The following SORCS2 variants were observed in gnomAD, a reference collection of about 807,000 sequenced individuals.
SORCS2 encodes the protein sortilin related VPS10 domain containing receptor 2, also known as VPS10 domain-containing receptor SorCS2.
In SORCS2, 100 loss-of-function variants were observed where a neutral mutation model predicts 141.6. The ratio of observed to expected loss-of-function variants is 0.71; its 90% CI spans 0.60 to 0.83. The LOEUF is 0.83. Ranked by LOEUF, SORCS2 falls within the 40% of genes least tolerant of loss-of-function variation. The pLI is 0.00. For missense variants in SORCS2, 1,646 were observed against 1,560.2 expected (o/e 1.05, Z -0.93); for synonymous variants, 789 against 676.9 (o/e 1.17, Z -2.57).
At chr4:7,680,979 TCACC>T (rs1723490863) in intron 9 of SORCS2, among the ~76,000 whole-genome samples, 1 of 152,256 alleles carries the variant, frequency 6.6e-6, no homozygotes, top group Non-Finnish European at 1.5e-5. Flanking sequence ...TACCCAGAGC[TCACC>T]CACATCTGGT....
chr4:7,292,327 C>T (rs1716667054), intron 1 of SORCS2, among the ~76,000 whole-genome samples: 1 of 151,388 alleles, frequency 6.6e-6, no homozygotes, highest in African/African-American at 2.4e-5. Flanking sequence ...CCACCATTCG[C>T]AGTCTGTTCA....
intron 2 of SORCS2, among the ~76,000 whole-genome samples, chr4:7,443,817 C>T (rs74465737): frequency 0.013 from 1,990 of 152,368 alleles, 45 homozygotes; most frequent in African/African-American, 0.046. Context: ...GTTCCTGAGT[C>T]TGTGGCTCCT....
At chr4:7,322,602 G>A (rs1205903798) in intron 1 of SORCS2, among the ~76,000 whole-genome samples, 1 of 152,214 alleles carries the variant, frequency 6.6e-6, no homozygotes, top group Non-Finnish European at 1.5e-5. Context: ...AATGCAGGAG[G>A]AGGGGCGCAG....
chr4:7,258,653 T>C (rs1158322593), intron 1 of SORCS2, among the ~76,000 whole-genome samples: 1 of 152,234 alleles, frequency 6.6e-6, no homozygotes, highest in Non-Finnish European at 1.5e-5. Flanking sequence ...ATCCTTTGGG[T>C]ATATACCCAG....
intron 21 of SORCS2, among the ~76,000 whole-genome samples, chr4:7,727,359 C>G (rs1727292349): frequency 6.6e-6 from 1 of 152,198 alleles, no homozygotes; most frequent in African/African-American, 2.4e-5. Flanking sequence ...TTTATCTGTG[C>G]TCACTGGGGG....
At chr4:7,640,352 G>A (rs1022679185) in intron 4 of SORCS2, among the ~76,000 whole-genome samples, 6 of 150,528 alleles carry the variant, frequency 4.0e-5, no homozygotes, top group African/African-American at 1.2e-4. Context: ...GAGTGTGAGA[G>A]CCTATGTGAG....
At chr4:7,368,702 T>A (rs1722063162) in intron 1 of SORCS2, among the ~76,000 whole-genome samples, 2 of 152,166 alleles carry the variant, frequency 1.3e-5, no homozygotes, top group African/African-American at 4.8e-5. Flanking sequence ...AGTTTTAAGT[T>A]TGAAGTTGGC....
intron 26 of SORCS2, 145 bp downstream of exon 26, chr4:7,737,317 C>G: frequency 8.5e-7 from 1 of 1,170,282 alleles, no homozygotes; most frequent in Non-Finnish European, 1.2e-6. Context: ...GCGGGTCGGT[C>G]GGGCCCACTG....
chr4:7,451,670 C>G (rs1423111743), intron 2 of SORCS2, among the ~76,000 whole-genome samples: 1 of 152,244 alleles, frequency 6.6e-6, no homozygotes, highest in Non-Finnish European at 1.5e-5. Context: ...CCCTCAACTG[C>G]CACCATAGGG....
chr4:7,458,940 C>G (rs905231603), intron 2 of SORCS2, among the ~76,000 whole-genome samples: 4 of 152,178 alleles, frequency 2.6e-5, no homozygotes, highest in African/African-American at 9.7e-5. Context: ...AAAGGCTTCT[C>G]TGCTGGCTGC....
At chr4:7,721,337 A>C (rs185162258) in intron 18 of SORCS2, among the ~76,000 whole-genome samples, 60 of 152,258 alleles carry the variant, frequency 3.9e-4, no homozygotes, top group Admixed American at 6.5e-4. Context: ...GTGGTGATGC[A>C]TGCCTGTAAT....
intron 3 of SORCS2, among the ~76,000 whole-genome samples, chr4:7,553,172 C>T (rs920861569): frequency 1.2e-4 from 19 of 152,034 alleles, no homozygotes; most frequent in African/African-American, 4.1e-4. Context: ...AGCCTGAGAT[C>T]CACAAGGTCC....
chr4:7,518,728 C>T (rs771153126), intron 2 of SORCS2, among the ~76,000 whole-genome samples: 7 of 152,120 alleles, frequency 4.6e-5, no homozygotes, highest in Non-Finnish European at 5.9e-5. Flanking sequence ...GGGCAAGTGC[C>T]GGTTTTCTCT....
chr4:7,440,096 T>C (rs1199212510), intron 2 of SORCS2, among the ~76,000 whole-genome samples: 6 of 152,242 alleles, frequency 3.9e-5, no homozygotes, highest in African/African-American at 1.4e-4. Flanking sequence ...TACCATTGGC[T>C]GTATTTATTT....
chr4:7,466,719 T>A (rs1442576862), intron 2 of SORCS2, among the ~76,000 whole-genome samples: 1 of 152,088 alleles, frequency 6.6e-6, no homozygotes, highest in Non-Finnish European at 1.5e-5. Flanking sequence ...GCCCACTACA[T>A]ACAGGGTGTG....
At chr4:7,693,519 C>T (rs1039879218) in intron 11 of SORCS2, among the ~76,000 whole-genome samples, 14 of 152,234 alleles carry the variant, frequency 9.2e-5, no homozygotes, top group Non-Finnish European at 1.6e-4. Context: ...GATTATGGAG[C>T]CTGCTCCCTG....
intron 24 of SORCS2, among the ~76,000 whole-genome samples, chr4:7,733,694 C>T (rs991193386): frequency 1.3e-5 from 2 of 152,264 alleles, no homozygotes; most frequent in African/African-American, 4.8e-5. Context: ...GTCTCCTCGG[C>T]TGTCAGTCAT....
chr4:7,725,428 C>CCCA, intron 20 of SORCS2, 141 bp downstream of exon 20: 1 of 1,257,336 alleles, frequency 8.0e-7, no homozygotes, highest in Non-Finnish European at 1.1e-6. Flanking sequence ...CCTCCTGGGG[C>CCCA]AGTTGAGAGG....
intron 4 of SORCS2, among the ~76,000 whole-genome samples, chr4:7,639,045 C>A (rs1446780397): frequency 6.6e-6 from 1 of 152,004 alleles, no homozygotes; most frequent in East Asian, 1.9e-4. Flanking sequence ...TGGTGAGGAG[C>A]ATTGGGCTGC....
Sources: gnomAD v4.1 joint callset for allele counts (sites outside exome capture counted in the v4.1 genomes callset) on GRCh38, gnomAD v4.1.1 for gene constraint, MANE v1.5 for transcripts, NCBI Gene and HGNC (gene_info 2026-07-23, HGNC 2026-07-21) for gene names.